Variants in DAPP1 observed in about 807,000 individuals in gnomAD.
DAPP1 encodes dual adaptor of phosphotyrosine and 3-phosphoinositides 1, also known as dual adapter for phosphotyrosine and 3-phosphotyrosine and 3-phosphoinositide.
DAPP1 carries 20 observed loss-of-function variants against 41.5 expected under a neutral mutation model. The observed-to-expected ratio is 0.48, with a 90% confidence interval of 0.34 to 0.70. The LOEUF (loss-of-function observed/expected upper bound fraction) is 0.70, where lower values mean the gene tolerates loss of function less well. Among genes scored for constraint, DAPP1 ranks in the 30% least tolerant of loss-of-function variants. The pLI is 0.01. For missense variants in DAPP1, 233 were observed against 333.4 expected (o/e 0.70, Z 2.35); for synonymous variants, 113 against 116.2 (o/e 0.97, Z 0.18).
intron 1 of DAPP1, among the ~76,000 whole-genome samples, chr4:99,821,226 A>G (rs1447399898): frequency 2.0e-5 from 3 of 152,216 alleles, no homozygotes; most frequent in Non-Finnish European, 4.4e-5. Flanking sequence ...GCACCATACC[A>G]TTCACACGCA....
chr4:99,836,549 T>C (rs1723305206), intron 2 of DAPP1, among the ~76,000 whole-genome samples: 1 of 152,206 alleles, frequency 6.6e-6, no homozygotes, highest in Non-Finnish European at 1.5e-5. Context: ...AAACTGTTAT[T>C]GTGTTACTGT....
intron 3 of DAPP1, among the ~76,000 whole-genome samples, chr4:99,848,161 G>A (rs1723732259): frequency 6.6e-6 from 1 of 151,124 alleles, no homozygotes; most frequent in Admixed American, 6.6e-5. Flanking sequence ...GGCTAGCTGG[G>A]TTTTTTTGGT....
intron 1 of DAPP1, among the ~76,000 whole-genome samples, chr4:99,827,682 C>G (rs543742241): frequency 3.0e-4 from 45 of 152,292 alleles, no homozygotes; most frequent in East Asian, 1.2e-3. Flanking sequence ...AATGCATTCT[C>G]GGGCTGCCTT....
At chr4:99,843,413 T>C (rs1723560442) in intron 3 of DAPP1, among the ~76,000 whole-genome samples, 2 of 152,214 alleles carry the variant, frequency 1.3e-5, no homozygotes, top group African/African-American at 4.8e-5. Flanking sequence ...TTCTATTCCC[T>C]ACTCTTTACA....
intron 3 of DAPP1, among the ~76,000 whole-genome samples, chr4:99,847,619 C>T (rs1270670160): frequency 2.0e-5 from 3 of 152,126 alleles, no homozygotes; most frequent in African/African-American, 4.8e-5. Flanking sequence ...ACTGGTCTTC[C>T]TCATTCTTCT....
intron 1 of DAPP1, among the ~76,000 whole-genome samples, chr4:99,827,271 C>A (rs1040628128): frequency 6.6e-6 from 1 of 151,958 alleles, no homozygotes; most frequent in Non-Finnish European, 1.5e-5. Context: ...TGGCTGGGCG[C>A]GGTCTGTAAT....
chr4:99,848,101 G>A (rs112317028), intron 3 of DAPP1, among the ~76,000 whole-genome samples: 5,731 of 152,002 alleles, frequency 0.038, 101 homozygotes, highest in African/African-American at 0.055. Context: ...ATGAGCCACC[G>A]CGCCCGGCTG....
intron 2 of DAPP1, among the ~76,000 whole-genome samples, chr4:99,838,856 A>C (rs976685992): frequency 6.6e-6 from 1 of 152,252 alleles, no homozygotes; most frequent in African/African-American, 2.4e-5. Context: ...ATAACATAAA[A>C]GAAAGCAAGA....
chr4:99,854,080 G>C (rs758612209), intron 4 of DAPP1, among the ~76,000 whole-genome samples: 2 of 151,888 alleles, frequency 1.3e-5, no homozygotes, highest in Non-Finnish European at 2.9e-5. Flanking sequence ...ATTTTTTCTA[G>C]CTTTTTTTCC....
Position 99,817,126 on chromosome 4 carries a change from C to T in DAPP1, c.101+112C>T, listed in dbSNP as rs1215528785. 4.5e-6 allele frequency: 3 copies of T among 673,574 alleles called. No homozygotes were observed. In the African/African-American group the frequency reaches 5.6e-5, roughly 13 times the overall value. The allele number at this position is 673,574 out of a possible 1,614,324, so 41.7% of individuals were successfully genotyped here. On this transcript the variant is annotated intron_variant, in intron 1 of 8. Transcript: ENST00000512369. The stretch of plus-strand genomic sequence containing the variant: ...TTCAGTGCCTTGTTGCCCTCTGCCA[C>T]CTCAACCATTTATTTTTTTCCACTT...
At chr4:99,860,749 A>G (rs1724208808) in intron 4 of DAPP1, among the ~76,000 whole-genome samples, 1 of 152,202 alleles carries the variant, frequency 6.6e-6, no homozygotes, top group African/African-American at 2.4e-5. Flanking sequence ...TTTGTTTCTT[A>G]CTAAGACATA....
intron 4 of DAPP1, among the ~76,000 whole-genome samples, chr4:99,861,302 C>T (rs1259170963): frequency 6.6e-6 from 1 of 152,162 alleles, no homozygotes; most frequent in Non-Finnish European, 1.5e-5. Flanking sequence ...ACATGACACA[C>T]CTTGACAAAC....
At chr4:99,830,804 A>G (rs1723097639) in intron 1 of DAPP1, among the ~76,000 whole-genome samples, 1 of 151,606 alleles carries the variant, frequency 6.6e-6, no homozygotes, top group South Asian at 2.1e-4. Context: ...CTCTCTCTCA[A>G]TCTTCACCTA....
intron 2 of DAPP1, among the ~76,000 whole-genome samples, chr4:99,839,352 T>TATATATATAG (rs1190151207): frequency 3.2e-4 from 46 of 142,134 alleles, no homozygotes; most frequent in African/African-American, 9.6e-4. Context: ...GAGGCAGATA[T>TATATATATAG]ATATATATAG....
chr4:99,860,898 G>A lies in DAPP1; in HGVS notation c.490-680G>A, dbSNP rs114830254. On this transcript the variant is annotated intron_variant, in intron 4 of 8. Transcript: ENST00000512369. ...ACACAATTCTCCACCCTTATATTTC[G>A]TAGGTGTTAGCTAAGTGTGTGCTAT... Among the ~76,000 whole-genome samples, 760 of 152,216 alleles carry A rather than the reference G, an allele frequency of 5.0e-3. 4 individuals carry two copies. The highest frequency in any genetic ancestry group is 0.012 in the African/African-American group (515 of 41,526).
intron 8 of DAPP1, chr4:99,866,766 ATTTTTTTTTTT>A (rs11315402): frequency 8.1e-6 from 3 of 372,468 alleles, no homozygotes; most frequent in Admixed American, 5.5e-5. Flanking sequence ...CTTTTTTTCT[ATTTTTTTTTTT>A]TTTTTTTTTT....
At chr4:99,859,823 A>G (rs11937828) in intron 4 of DAPP1, among the ~76,000 whole-genome samples, 49 of 152,050 alleles carry the variant, frequency 3.2e-4, no homozygotes, top group African/African-American at 1.1e-3. Context: ...GAAGCCCTCC[A>G]CACCCTGCCA....
intron 4 of DAPP1, among the ~76,000 whole-genome samples, chr4:99,859,422 G>A (rs1560707102): frequency 6.6e-6 from 1 of 152,090 alleles, no homozygotes; most frequent in African/African-American, 2.4e-5. Context: ...AGCCCACTCA[G>A]TGAGCAGAGC....
intron 2 of DAPP1, among the ~76,000 whole-genome samples, chr4:99,836,022 G>A (rs1195531532): frequency 6.6e-6 from 1 of 152,186 alleles, no homozygotes; most frequent in East Asian, 1.9e-4. Context: ...GCGGTGGAAT[G>A]TCTGGTACCT....
Sources: gnomAD v4.1 joint callset for allele counts (sites outside exome capture counted in the v4.1 genomes callset) on GRCh38, gnomAD v4.1.1 for gene constraint, MANE v1.5 for transcripts, NCBI Gene and HGNC (gene_info 2026-07-23, HGNC 2026-07-21) for gene names.